INPP4B: variants seen among roughly 807,000 people sequenced by gnomAD.
INPP4B encodes inositol polyphosphate-4-phosphatase type II B, also known as inositol polyphosphate 4-phosphatase type II.
INPP4B carries 55 observed loss-of-function variants against 122.5 expected under a neutral mutation model. The observed-to-expected ratio is 0.45, with a 90% CI of 0.36 to 0.56. The LOEUF (loss-of-function observed/expected upper bound fraction) is 0.56. Ranked by LOEUF, INPP4B falls within the 20% of genes least tolerant of loss-of-function variation. INPP4B has a pLI of 0.00. For missense variants in INPP4B, 1,000 were observed against 1,097.7 expected (o/e 0.91, Z 1.26); for synonymous variants, 403 against 388.7 (o/e 1.04, Z -0.43).
intron 2 of INPP4B, among the ~76,000 whole-genome samples, chr4:142,503,047 C>A (rs1221406731): frequency 2.6e-5 from 4 of 152,062 alleles, no homozygotes; most frequent in African/African-American, 4.8e-5. Flanking sequence ...AGCCTGGCAA[C>A]AATAGAATTG....
intron 25 of INPP4B, among the ~76,000 whole-genome samples, chr4:142,035,268 T>C (rs1482434024): frequency 6.6e-6 from 1 of 152,156 alleles, no homozygotes; most frequent in Non-Finnish European, 1.5e-5. Context: ...CAAGCCTCCA[T>C]TTCCCTTCTT....
chr4:142,252,483 C>T (rs545616157), intron 11 of INPP4B, among the ~76,000 whole-genome samples: 54 of 152,180 alleles, frequency 3.5e-4, no homozygotes, highest in Non-Finnish European at 6.3e-4. Context: ...CCACCGCGCC[C>T]GGCCAGTAGT....
intron 16 of INPP4B, among the ~76,000 whole-genome samples, chr4:142,171,154 A>C (rs143089853): frequency 1.6e-4 from 24 of 151,774 alleles, no homozygotes; most frequent in African/African-American, 4.8e-4. Flanking sequence ...CCTCATTACA[A>C]AATAGAATAC....
At chr4:142,238,931 C>A (rs1384933461) in intron 11 of INPP4B, among the ~76,000 whole-genome samples, 1 of 151,986 alleles carries the variant, frequency 6.6e-6, no homozygotes, top group Non-Finnish European at 1.5e-5. Flanking sequence ...AAGTCAGTCA[C>A]CAGTCAAGAA....
intron 24 of INPP4B, among the ~76,000 whole-genome samples, chr4:142,084,372 GCCCCCCAAAGTGCTGAGATTA>G (rs1775686168): frequency 6.6e-6 from 1 of 152,002 alleles, no homozygotes; most frequent in South Asian, 2.1e-4. Context: ...GCCCGCCTCG[GCCCCCCAAAGTGCTGAGATTA>G]CAGGTGTGAG....
intron 2 of INPP4B, among the ~76,000 whole-genome samples, chr4:142,635,493 G>C (rs561930634): frequency 6.6e-6 from 1 of 152,254 alleles, no homozygotes; most frequent in South Asian, 2.1e-4. Context: ...TAAATAAAAT[G>C]TGGTACATAT....
At chr4:142,449,199 T>C (rs1580091992) in intron 3 of INPP4B, among the ~76,000 whole-genome samples, 1 of 152,290 alleles carries the variant, frequency 6.6e-6, no homozygotes, top group East Asian at 1.9e-4. Context: ...ACACTGCAAC[T>C]AGTTAGTGAT....
At chr4:142,042,451 C>G (rs2667092) in intron 25 of INPP4B, among the ~76,000 whole-genome samples, 115,688 of 151,988 alleles carry the variant, frequency 0.76, 45,689 homozygotes, top group East Asian at 0.93. Flanking sequence ...TCTGTACAAT[C>G]TCTTGTTTTT....
At chr4:142,052,788 G>A (rs775808148) in intron 25 of INPP4B, among the ~76,000 whole-genome samples, 1 of 151,956 alleles carries the variant, frequency 6.6e-6, no homozygotes. Flanking sequence ...TACTAAAATG[G>A]TATTTGGGAC....
intron 17 of INPP4B, among the ~76,000 whole-genome samples, chr4:142,151,476 T>G (rs1813880917): frequency 6.6e-6 from 1 of 152,194 alleles, no homozygotes; most frequent in African/African-American, 2.4e-5. Flanking sequence ...CAGTTTAAAA[T>G]TCACTCCTGG....
intron 2 of INPP4B, among the ~76,000 whole-genome samples, chr4:142,515,396 C>G (rs116025725): frequency 6.6e-6 from 1 of 152,168 alleles, no homozygotes; most frequent in East Asian, 1.9e-4. Context: ...TATTTAAATT[C>G]TCTCTGGTGT....
intron 25 of INPP4B, among the ~76,000 whole-genome samples, chr4:142,077,262 C>A (rs2152509035): frequency 6.6e-6 from 1 of 151,936 alleles, no homozygotes; most frequent in South Asian, 2.1e-4. Context: ...TTACTAATGG[C>A]ATATTAACTA....
chr4:142,358,744 A>G (rs1784445350), intron 7 of INPP4B, among the ~76,000 whole-genome samples: 1 of 151,692 alleles, frequency 6.6e-6, no homozygotes, highest in Non-Finnish European at 1.5e-5. Flanking sequence ...TCCTCCCACG[A>G]TAACAATCAC....
At chr4:142,625,900 T>A (rs1746264202) in intron 2 of INPP4B, among the ~76,000 whole-genome samples, 1 of 152,162 alleles carries the variant, frequency 6.6e-6, no homozygotes, top group African/African-American at 2.4e-5. Context: ...CCCTACTTAA[T>A]AAATGGTGCT....
intron 18 of INPP4B, among the ~76,000 whole-genome samples, chr4:142,127,821 G>C (rs1175685938): frequency 6.6e-6 from 1 of 151,938 alleles, no homozygotes; most frequent in Admixed American, 6.6e-5. Context: ...GCAGATAATG[G>C]AAAATTGTAC....
At chr4:142,030,679 A>ACAT (rs1739320285) in intron 25 of INPP4B, among the ~76,000 whole-genome samples, 2 of 152,198 alleles carry the variant, frequency 1.3e-5, no homozygotes, top group Non-Finnish European at 2.9e-5. Context: ...TCTGATAACT[A>ACAT]CATCTTTAGA....
At chr4:142,671,582 C>T (rs1373037) in intron 2 of INPP4B, among the ~76,000 whole-genome samples, 5,250 of 152,048 alleles carry the variant, frequency 0.035, 312 homozygotes, top group African/African-American at 0.12. Flanking sequence ...TTTGTAGGTC[C>T]AGAAACCAAG....
intron 11 of INPP4B, among the ~76,000 whole-genome samples, chr4:142,243,013 G>C (rs1296440842): frequency 6.6e-6 from 1 of 152,108 alleles, no homozygotes; most frequent in East Asian, 1.9e-4. Context: ...GATGTTTCTC[G>C]TCATTACTCT....
At chr4:142,289,170 T>G (rs1020600677) in intron 9 of INPP4B, among the ~76,000 whole-genome samples, 4 of 152,190 alleles carry the variant, frequency 2.6e-5, no homozygotes, top group Admixed American at 6.5e-5. Context: ...CTTTTAGCAG[T>G]GAATTTTTAA....
Sources: allele counts gnomAD v4.1 joint callset (sites outside exome capture counted in the v4.1 genomes callset), GRCh38; gene constraint gnomAD v4.1.1; transcripts MANE v1.5; gene names NCBI Gene and HGNC (gene_info 2026-07-23, HGNC 2026-07-21).